The following SCHIP1 variants were observed in gnomAD, a reference collection of about 807,000 sequenced individuals.
SCHIP1 encodes the protein schwannomin interacting protein 1, also known as schwannomin-interacting protein 1.
A neutral mutation model predicts 29.7 loss-of-function variants in SCHIP1; 8 were observed. That is an observed-to-expected ratio of 0.27 (90% CI 0.16 to 0.49). SCHIP1 has a LOEUF of 0.49. Ranked by LOEUF, SCHIP1 falls within the 20% of genes least tolerant of loss-of-function variation. The pLI is 0.99. For synonymous variants in SCHIP1, 76 were observed against 94.9 expected (o/e 0.80, Z 1.16); for missense variants, 193 against 294.6 (o/e 0.66, Z 2.52).
At chr3:159,641,063 T>G in the SCHIP1 span, among the ~76,000 whole-genome samples, 1 of 152,232 alleles carries the variant, frequency 6.6e-6, no homozygotes, top group East Asian at 1.9e-4. Context: ...TATCCAACAT[T>G]CTCATAAATT....
At chr3:159,604,443 A>T in the SCHIP1 span, among the ~76,000 whole-genome samples, 1 of 152,296 alleles carries the variant, frequency 6.6e-6, no homozygotes, top group South Asian at 2.1e-4. Context: ...AAAGCATGAT[A>T]CGGGTGACCA....
the SCHIP1 span, among the ~76,000 whole-genome samples, chr3:159,432,882 CTT>C: frequency 6.6e-6 from 1 of 152,120 alleles, no homozygotes; most frequent in Non-Finnish European, 1.5e-5. Flanking sequence ...AGTGAGTCCT[CTT>C]TGATGTAGTA....
At chr3:159,845,509 T>A (rs1258578910) in intron 1 of SCHIP1, 1 of 151,758 alleles carries the variant, frequency 6.6e-6, no homozygotes, top group East Asian at 1.9e-4. Context: ...GCCTCCTGAG[T>A]AGCTGAGATT....
chr3:159,829,956 A>G, the SCHIP1 span, among the ~76,000 whole-genome samples: 1 of 152,206 alleles, frequency 6.6e-6, no homozygotes, highest in Admixed American at 6.5e-5. Context: ...CAGAAATATG[A>G]GTAATTGCTA....
At chr3:159,311,466 C>G in the SCHIP1 span, among the ~76,000 whole-genome samples, 2 of 152,076 alleles carry the variant, frequency 1.3e-5, no homozygotes, top group Non-Finnish European at 2.9e-5. Flanking sequence ...TTGTATTTCT[C>G]TTGAGAATCC....
At chr3:159,413,909 A>T in the SCHIP1 span, among the ~76,000 whole-genome samples, 28 of 152,346 alleles carry the variant, frequency 1.8e-4, no homozygotes, top group East Asian at 4.4e-3. Context: ...TTAAACACAT[A>T]TATCAACTGA....
the SCHIP1 span, among the ~76,000 whole-genome samples, chr3:159,392,096 T>C: frequency 6.6e-6 from 1 of 152,168 alleles, no homozygotes; most frequent in Non-Finnish European, 1.5e-5. Context: ...TTTCTTTCAC[T>C]GCCCACATCT....
the SCHIP1 span, among the ~76,000 whole-genome samples, chr3:159,771,509 T>C: frequency 2.6e-5 from 4 of 152,332 alleles, no homozygotes; most frequent in South Asian, 8.3e-4. Context: ...AACTGGAAAT[T>C]ACCAGGGTGA....
intron 2 of SCHIP1, among the ~76,000 whole-genome samples, chr3:159,881,449 G>A (rs964654111): frequency 2.6e-5 from 4 of 152,224 alleles, no homozygotes; most frequent in African/African-American, 4.8e-5. Context: ...CACACTGGTT[G>A]TAGGCAGATA....
intron 2 of SCHIP1, among the ~76,000 whole-genome samples, chr3:159,884,628 T>C (rs754846523): frequency 1.3e-5 from 2 of 152,210 alleles, no homozygotes; most frequent in Non-Finnish European, 2.9e-5. Context: ...GCAACTCACA[T>C]GTACAGGTCA....
the SCHIP1 span, among the ~76,000 whole-genome samples, chr3:159,474,817 T>C: frequency 6.6e-6 from 1 of 152,170 alleles, no homozygotes; most frequent in East Asian, 1.9e-4. Context: ...CCAGTGCAGA[T>C]AAATTGAATA....
the SCHIP1 span, among the ~76,000 whole-genome samples, chr3:159,812,816 TA>T: frequency 6.6e-6 from 1 of 152,180 alleles, no homozygotes; most frequent in East Asian, 1.9e-4. Context: ...CTGGGTAATT[TA>T]TAAGGAAAAG....
chr3:159,543,840 TAA>T, the SCHIP1 span, among the ~76,000 whole-genome samples: 2 of 152,150 alleles, frequency 1.3e-5, no homozygotes, highest in Non-Finnish European at 2.9e-5. Context: ...ACCAACAGTG[TAA>T]AAGTGTTCCT....
exon 7 of SCHIP1, chr3:159,896,872 G>A: frequency 7.7e-7 from 1 of 1,294,788 alleles, no homozygotes; most frequent in East Asian, 2.7e-5. Flanking sequence ...AAATATCAGT[G>A]TTAGTCATTG....
the SCHIP1 span, among the ~76,000 whole-genome samples, chr3:159,430,048 A>G: frequency 6.6e-6 from 1 of 152,152 alleles, no homozygotes; most frequent in Non-Finnish European, 1.5e-5. Context: ...TTCCACTACA[A>G]TCCAAACAGA....
chr3:159,320,765 G>A, the SCHIP1 span, among the ~76,000 whole-genome samples: 16 of 151,562 alleles, frequency 1.1e-4, no homozygotes, highest in Admixed American at 2.0e-4. Context: ...TGTGCACCAC[G>A]CAGTATCATA....
the SCHIP1 span, among the ~76,000 whole-genome samples, chr3:159,662,613 T>C: frequency 1.3e-5 from 2 of 152,114 alleles, no homozygotes; most frequent in Admixed American, 1.3e-4. Context: ...AAAACTTTCT[T>C]GGGGGGAAAG....
chr3:159,364,698 C>T, the SCHIP1 span, among the ~76,000 whole-genome samples: 1 of 152,200 alleles, frequency 6.6e-6, no homozygotes, highest in Non-Finnish European at 1.5e-5. Flanking sequence ...GGGGAAACAG[C>T]TCCCATTGCA....
At chr3:159,613,257 G>A in the SCHIP1 span, among the ~76,000 whole-genome samples, 1 of 152,176 alleles carries the variant, frequency 6.6e-6, no homozygotes, top group Non-Finnish European at 1.5e-5. Flanking sequence ...AATTGAGTCT[G>A]AGGTTTAAGT....
Sources: allele counts gnomAD v4.1 joint callset (sites outside exome capture counted in the v4.1 genomes callset), GRCh38; gene constraint gnomAD v4.1.1; transcripts MANE v1.5; gene names NCBI Gene and HGNC (gene_info 2026-07-23, HGNC 2026-07-21).